Variants in SYT16 observed in about 807,000 individuals in gnomAD.
The protein encoded by SYT16 is synaptotagmin 16.
SYT16 carries 42 observed loss-of-function variants against 61.4 expected under a neutral mutation model. That is an observed-to-expected ratio of 0.68 (90% CI 0.53 to 0.89). SYT16 has a LOEUF of 0.89. Among genes scored for constraint, SYT16 ranks in the 40% least tolerant of loss-of-function variants. The pLI is 0.00. For synonymous variants in SYT16, 314 were observed against 302.3 expected, an observed-to-expected ratio of 1.04 and a Z score of -0.40; for missense variants, 804 against 807.3, an observed-to-expected ratio of 1.00 and a Z score of 0.05.
At chr14:61,910,562 G>T (rs2048896066) in intron 1 of SYT16, among the ~76,000 whole-genome samples, 1 of 136,962 alleles carries the variant, frequency 7.3e-6, no homozygotes, top group Admixed American at 7.8e-5. Context: ...ACAGGTTCTC[G>T]CTCTGTCACC....
chr14:61,816,425 C>A (rs111395652), intron 1 of SYT16, among the ~76,000 whole-genome samples: 3 of 152,248 alleles, frequency 2.0e-5, no homozygotes, highest in African/African-American at 7.2e-5. Context: ...TTCACTTTGG[C>A]TGAAAATGGA....
chr14:62,046,367 G>A (rs1313277119), intron 3 of SYT16, among the ~76,000 whole-genome samples: 3 of 152,074 alleles, frequency 2.0e-5, no homozygotes, highest in Admixed American at 6.6e-5. Context: ...TTTGTCACAT[G>A]AGTAGGTTGC....
chr14:61,848,050 C>A (rs571875150), intron 1 of SYT16, among the ~76,000 whole-genome samples: 1 of 152,174 alleles, frequency 6.6e-6, no homozygotes, highest in Admixed American at 6.5e-5. Flanking sequence ...CTCAGATTGA[C>A]CCCTGAGGGC....
chr14:61,969,197 A>G (rs1046632226), intron 1 of SYT16, among the ~76,000 whole-genome samples: 2 of 151,992 alleles, frequency 1.3e-5, no homozygotes, highest in Non-Finnish European at 2.9e-5. Context: ...ATTCATTTTC[A>G]TAAGCGTTCA....
At chr14:62,085,636 A>G (rs1424091112) in intron 7 of SYT16, among the ~76,000 whole-genome samples, 1 of 152,144 alleles carries the variant, frequency 6.6e-6, no homozygotes, top group Non-Finnish European at 1.5e-5. Flanking sequence ...GCAGCCCACA[A>G]AGGATCTGTG....
chr14:61,937,629 C>T (rs1467433213), intron 1 of SYT16, among the ~76,000 whole-genome samples: 1 of 152,148 alleles, frequency 6.6e-6, no homozygotes. Context: ...CTTGCCTTTC[C>T]ATGGAGATCT....
chr14:62,012,310 G>T (rs77252864), intron 3 of SYT16, among the ~76,000 whole-genome samples: 7,768 of 152,144 alleles, frequency 0.051, 234 homozygotes, highest in African/African-American at 0.08. Flanking sequence ...TGTAGTTATA[G>T]GACTGAGGGC....
At chr14:61,964,897 G>C (rs2051250812) in intron 1 of SYT16, among the ~76,000 whole-genome samples, 1 of 148,538 alleles carries the variant, frequency 6.7e-6, no homozygotes, top group Admixed American at 6.7e-5. Context: ...GTGATTTTTA[G>C]CTTTTTTTTT....
At chr14:62,056,872 A>G (rs981086448) in intron 3 of SYT16, among the ~76,000 whole-genome samples, 2 of 152,236 alleles carry the variant, frequency 1.3e-5, no homozygotes, top group African/African-American at 4.8e-5. Flanking sequence ...GTCGGAGGAC[A>G]ACACGCTCTG....
Position 61,939,650 on chromosome 14 carries a change from C to T in SYT16, c.-324-30482C>T, listed in dbSNP as rs144584423. ...GGATCTGGGCCCACTTTTAAGCCCT[C>T]ATTTTATCTTCTCTCTAAAGACCTT... On this transcript the variant is annotated intron_variant, in intron 1 of 7. Transcript: ENST00000683842. Among the ~76,000 whole-genome samples, 162 of 152,304 alleles carry T rather than the reference C, an allele frequency of 1.1e-3. 3 individuals carry two copies. The highest frequency in any genetic ancestry group is 3.8e-3 in the African/African-American group (159 of 41,562).
intron 3 of SYT16, among the ~76,000 whole-genome samples, chr14:62,010,628 T>C (rs539348084): frequency 2.6e-5 from 4 of 152,164 alleles, no homozygotes; most frequent in Non-Finnish European, 5.9e-5. Context: ...AATACATTTT[T>C]ACTGAAGGAT....
chr14:62,053,594 C>G (rs186306621), intron 3 of SYT16, among the ~76,000 whole-genome samples: 1 of 152,284 alleles, frequency 6.6e-6, no homozygotes, highest in Admixed American at 6.5e-5. Flanking sequence ...TTTTTAAATT[C>G]CTTTGTTCAT....
intron 1 of SYT16, among the ~76,000 whole-genome samples, chr14:61,865,595 C>A (rs563759670): frequency 6.6e-6 from 1 of 152,106 alleles, no homozygotes; most frequent in African/African-American, 2.4e-5. Flanking sequence ...GCCGTAATAC[C>A]GCAAAGATAT....
chr14:61,906,546 T>C (rs948488532), intron 1 of SYT16, among the ~76,000 whole-genome samples: 2 of 152,228 alleles, frequency 1.3e-5, no homozygotes, highest in African/African-American at 4.8e-5. Flanking sequence ...CTTATTTTCA[T>C]GGCCTGAAGC....
intron 1 of SYT16, among the ~76,000 whole-genome samples, chr14:61,821,105 C>G (rs2045605758): frequency 6.6e-6 from 1 of 152,068 alleles, no homozygotes; most frequent in African/African-American, 2.4e-5. Context: ...CTATTAGTGT[C>G]AGGTTTGCAG....
chr14:61,965,246 C>T (rs1566722386), intron 1 of SYT16, among the ~76,000 whole-genome samples: 1 of 152,248 alleles, frequency 6.6e-6, no homozygotes, highest in Non-Finnish European at 1.5e-5. Context: ...GTGTTGCCGC[C>T]TTCTGAGTCA....
At chr14:62,050,250 C>T (rs1331642400) in intron 3 of SYT16, among the ~76,000 whole-genome samples, 1 of 152,176 alleles carries the variant, frequency 6.6e-6, no homozygotes, top group East Asian at 1.9e-4. Context: ...ACCCTTTCTT[C>T]CAGTTGATGG....
At chr14:61,880,836 G>A (rs1450966085) in intron 1 of SYT16, among the ~76,000 whole-genome samples, 1 of 151,992 alleles carries the variant, frequency 6.6e-6, no homozygotes, top group African/African-American at 2.4e-5. Flanking sequence ...TTATAAATTT[G>A]TCAGGGTTTT....
At chr14:61,992,338 A>G (rs1044445554) in intron 2 of SYT16, among the ~76,000 whole-genome samples, 1 of 152,120 alleles carries the variant, frequency 6.6e-6, no homozygotes, top group Non-Finnish European at 1.5e-5. Context: ...ATAGGACTTT[A>G]CAGCGAGGAG....
Sources: allele counts gnomAD v4.1 joint callset (sites outside exome capture counted in the v4.1 genomes callset), GRCh38; gene constraint gnomAD v4.1.1; transcripts MANE v1.5; gene names NCBI Gene and HGNC (gene_info 2026-07-23, HGNC 2026-07-21).